Variants in SYCP1 observed in about 807,000 individuals in gnomAD.
The protein encoded by SYCP1 is synaptonemal complex protein 1.
Under a neutral mutation model 153.1 loss-of-function variants are expected in SYCP1, and 64 were observed. That is an observed-to-expected ratio of 0.42 (90% CI 0.34 to 0.51). SYCP1 has a LOEUF of 0.51. SYCP1 is among the 20% of genes least tolerant of loss of function. The probability of loss-of-function intolerance (pLI) is 0.06; values close to 1 mark genes in which losing one functional copy is unlikely to be tolerated. For missense variants in SYCP1, 997 were observed against 1,049.0 expected (o/e 0.95, Z 0.68); for synonymous variants, 384 against 341.8 (o/e 1.12, Z -1.36).
intron 16 of SYCP1, among the ~76,000 whole-genome samples, chr1:114,904,000 T>G (rs1004129741): frequency 6.6e-6 from 1 of 152,244 alleles, no homozygotes; most frequent in Non-Finnish European, 1.5e-5. Flanking sequence ...GATTTAATAC[T>G]AAGTCTTAGA....
chr1:114,900,275 C>T (rs754762589), intron 16 of SYCP1, among the ~76,000 whole-genome samples: 13 of 151,970 alleles, frequency 8.6e-5, no homozygotes, highest in Non-Finnish European at 1.6e-4. Context: ...ATTTTTAATG[C>T]CTTCTTATAA....
At chr1:114,979,349 A>G (rs943766284) in intron 28 of SYCP1, among the ~76,000 whole-genome samples, 1 of 151,808 alleles carries the variant, frequency 6.6e-6, no homozygotes. Flanking sequence ...TGCTTGGGAC[A>G]TAGCACATGC....
intron 8 of SYCP1, among the ~76,000 whole-genome samples, chr1:114,863,560 A>T (rs1664520807): frequency 1.3e-5 from 2 of 152,182 alleles, no homozygotes; most frequent in Admixed American, 1.3e-4. Context: ...TCAAAAAAAA[A>T]AAGTTCCTAT....
chr1:114,925,853 G>A (rs531712992), intron 21 of SYCP1, among the ~76,000 whole-genome samples: 114 of 152,162 alleles, frequency 7.5e-4, no homozygotes, highest in Non-Finnish European at 1.5e-3. Flanking sequence ...TTTTAACTGA[G>A]AGAAATTATA....
Position 114,882,105 on chromosome 1 carries a change from AG to A in SYCP1, c.911-3429del, listed in dbSNP as rs1665990485. Among the ~76,000 whole-genome samples, 3 of 152,252 alleles carry A rather than the reference AG, an allele frequency of 2.0e-5. No homozygotes were observed. In the South Asian group the frequency reaches 6.2e-4, roughly 32 times the overall value. On this transcript the variant is annotated intron_variant, in intron 12 of 31. Coordinates refer to ENST00000369522, the MANE Select transcript of SYCP1 (RefSeq NM_003176.4). ...GAGGCTGAGGTGGAAGGATCACTTGAGCCCAGGAGTTCGAGGTTACAGTGAG... is the reference window on the plus strand; with the variant it reads ...GAGGCTGAGGTGGAAGGATCACTTGACCCAGGAGTTCGAGGTTACAGTGAG...
intron 6 of SYCP1, among the ~76,000 whole-genome samples, 174 bp downstream of exon 6, chr1:114,858,885 G>C (rs1045781509): frequency 1.3e-5 from 2 of 152,128 alleles, no homozygotes; most frequent in African/African-American, 4.8e-5. Context: ...CTTTAAGAAT[G>C]AGCATAGAGG....
At chr1:114,955,955 A>G (rs1671407293) in intron 27 of SYCP1, among the ~76,000 whole-genome samples, 1 of 152,204 alleles carries the variant, frequency 6.6e-6, no homozygotes, top group South Asian at 2.1e-4. Context: ...TAGTGCCTTG[A>G]TAGAAAGGCT....
chr1:114,981,338 A>G lies in SYCP1; in HGVS notation c.2385A>G (p.Lys795=). Residue 795 remains lysine, a splice_region_variant and synonymous_variant, in exon 29 of 32, where the codon AAA becomes AAG. Coordinates refer to ENST00000369522, the MANE Select transcript of SYCP1 (RefSeq NM_003176.4). ...TATLKEKKDK[K]TQTFLLETPE... ...TTCATTCTTGTTGTTCAATGCAGAA[A>G]ACACAAACATTTTTATTGGAAACAC... 1 of 1,584,634 alleles carries G rather than the reference A, an allele frequency of 6.3e-7. No homozygotes were observed. Among genetic ancestry groups the G allele is most frequent in the Non-Finnish European group, 8.6e-7 (1 of 1,168,694 alleles).
intron 23 of SYCP1, among the ~76,000 whole-genome samples, chr1:114,941,730 C>T (rs1670403940): frequency 6.6e-6 from 1 of 151,894 alleles, no homozygotes; most frequent in South Asian, 2.1e-4. Flanking sequence ...ATCTGAAAAT[C>T]CAAAATCTAA....
At chr1:114,946,224 AG>A (rs1670696683) in intron 25 of SYCP1, 64 bp from the exon 26 acceptor site, 1 of 678,152 alleles carries the variant, frequency 1.5e-6, no homozygotes, top group South Asian at 3.7e-5. Flanking sequence ...AAAATATGTT[AG>A]GATACCAATC....
At chr1:114,932,427 G>A (rs1669693109) in intron 23 of SYCP1, among the ~76,000 whole-genome samples, 1 of 152,106 alleles carries the variant, frequency 6.6e-6, no homozygotes, top group South Asian at 2.1e-4. Flanking sequence ...TGGCAAAGGG[G>A]GAAAACTGGG....
chr1:114,855,711 T>A, intron 2 of SYCP1, 139 bp downstream of exon 2: 1 of 638,846 alleles, frequency 1.6e-6, no homozygotes, highest in South Asian at 2.1e-5. Flanking sequence ...TTGAATCCCA[T>A]TGCTTTAAAT....
At chr1:114,872,150 T>C (rs1371113519) in intron 8 of SYCP1, among the ~76,000 whole-genome samples, 1 of 151,972 alleles carries the variant, frequency 6.6e-6, no homozygotes, top group Admixed American at 6.6e-5. Context: ...CTGTTGCTCT[T>C]TTTTTTCTTT....
intron 8 of SYCP1, 25 bp from the exon 9 acceptor site, chr1:114,874,481 C>A: frequency 7.2e-7 from 1 of 1,398,488 alleles, no homozygotes; most frequent in Non-Finnish European, 9.9e-7. Flanking sequence ...AAAATTTAAT[C>A]TTGAAATTTT....
intron 15 of SYCP1, among the ~76,000 whole-genome samples, chr1:114,889,093 T>C (rs1666514845): frequency 6.6e-6 from 1 of 152,220 alleles, no homozygotes; most frequent in South Asian, 2.1e-4. Flanking sequence ...ATTTTCTTTA[T>C]CCAGTCTATC....
At chr1:114,979,143 T>G (rs1386235126) in intron 28 of SYCP1, among the ~76,000 whole-genome samples, 2 of 151,500 alleles carry the variant, frequency 1.3e-5, no homozygotes, top group African/African-American at 2.4e-5. Flanking sequence ...GGCTTTTTTT[T>G]TTTTTGCTGT....
At chr1:114,862,019 T>A (rs1165736891) in intron 8 of SYCP1, among the ~76,000 whole-genome samples, 2 of 152,072 alleles carry the variant, frequency 1.3e-5, no homozygotes, top group African/African-American at 4.8e-5. Context: ...CAGGCTGGTC[T>A]CGACCTCCTG....
chr1:114,900,723 G>T (rs983705813), intron 16 of SYCP1, among the ~76,000 whole-genome samples: 2 of 151,344 alleles, frequency 1.3e-5, no homozygotes, highest in East Asian at 3.9e-4. Context: ...AAGTTGTTTT[G>T]AGTATGTGCT....
chr1:114,912,639 T>G (rs889060608), intron 18 of SYCP1, among the ~76,000 whole-genome samples: 10 of 152,098 alleles, frequency 6.6e-5, no homozygotes, highest in African/African-American at 2.4e-4. Flanking sequence ...CAGCTAATGC[T>G]TCGTGTACTA....
Sources: allele counts gnomAD v4.1 joint callset (sites outside exome capture counted in the v4.1 genomes callset), GRCh38; gene constraint gnomAD v4.1.1; transcripts MANE v1.5; gene names NCBI Gene and HGNC (gene_info 2026-07-23, HGNC 2026-07-21).